SLC11A2: variants seen among roughly 807,000 people sequenced by gnomAD.
SLC11A2 encodes solute carrier family 11 member 2, also known as natural resistance-associated macrophage protein 2.
Under a neutral mutation model 68.0 loss-of-function variants are expected in SLC11A2, and 38 were observed. That is an observed-to-expected ratio of 0.56 (90% CI 0.43 to 0.73). The LOEUF is 0.73. SLC11A2 is among the 30% of genes least tolerant of loss of function. The probability of loss-of-function intolerance (pLI) is 0.00; values close to 1 mark genes in which losing one functional copy is unlikely to be tolerated. For missense variants in SLC11A2, 517 were observed against 690.5 expected (o/e 0.75, Z 2.82); for synonymous variants, 242 against 250.6 (o/e 0.97, Z 0.32).
Position 51,026,291 on chromosome 12 carries a change from G to T in SLC11A2, c.-39+19C>A. On this transcript the variant is annotated intron_variant, in intron 1 of 15. Coordinates refer to ENST00000262052, the MANE Select transcript of SLC11A2 (RefSeq NM_000617.3). ...CAGCGAGCGGAATGCCGTGACCCCT[G>T]ACCTTGCCTTCCCCTCACCTTACCA... 1 of 1,244,882 alleles carries T rather than the reference G, an allele frequency of 8.0e-7. No homozygotes were observed. Among genetic ancestry groups the T allele is most frequent in the Non-Finnish European group, 1.0e-6 (1 of 952,954 alleles). The allele number at this position is 1,244,882 out of a possible 1,614,324, so 77.1% of individuals were successfully genotyped here. A position where few individuals can be genotyped will look rare whatever the true frequency, so the allele number is the denominator to read the frequency against.
the SLC11A2 span, among the ~76,000 whole-genome samples, chr12:50,966,884 G>A: frequency 6.6e-6 from 1 of 152,250 alleles, no homozygotes; most frequent in African/African-American, 2.4e-5. Flanking sequence ...GGGAGGCCAA[G>A]GTGGGTAGAT....
intron 1 of SLC11A2, among the ~76,000 whole-genome samples, chr12:51,012,872 C>T (rs373960874): frequency 1.3e-5 from 2 of 152,284 alleles, no homozygotes; most frequent in African/African-American, 4.8e-5. Flanking sequence ...TTCAACCCCT[C>T]TTTCAGTCAA....
rs990002369 is a variant in SLC11A2, at chr12:50,986,794, C to T, written c.*1531G>A. On this transcript the variant is annotated 3_prime_UTR_variant, in exon 16 of 16. Coordinates refer to ENST00000262052, the MANE Select transcript of SLC11A2 (RefSeq NM_000617.3). ...AGAAAAATGTATGGTCAGTGAAACA[C>T]AGTAGTGTACCCTTAAATGCCTTAT... 19 of 1,287,128 alleles carry T rather than the reference C, an allele frequency of 1.5e-5. No homozygotes were observed. The highest frequency in any genetic ancestry group is 1.8e-5 in the Non-Finnish European group (18 of 988,662). 79.7% of individuals were successfully genotyped at this position (1,287,128 alleles called of 1,614,324 possible). A position where few individuals can be genotyped will look rare whatever the true frequency, so the allele number is the denominator to read the frequency against.
Position 50,999,373 on chromosome 12 carries a change from A to C in SLC11A2, c.579T>G (p.Thr193=). 6.2e-7 allele frequency: 1 copy of C among 1,614,114 alleles called. No individual in the cohort carries two copies. The highest frequency in any genetic ancestry group is 1.1e-5 in the South Asian group (1 of 91,076). The change falls in exon 7 of 16, where the codon ACT becomes ACG. Residue 193 remains threonine (T), a synonymous_variant. Transcript: ENST00000262052. ...ATTTGTCCAAGAAGAGAAATACAAAAGTATCTGCAATGGTGATGAGAACGC... is the reference window on the plus strand; with the variant it reads ...ATTTGTCCAAGAAGAGAAATACAAACGTATCTGCAATGGTGATGAGAACGC... ...WGGVLITIAD[T]FVFLFLDKYG...
chr12:50,973,838 G>A, the SLC11A2 span, among the ~76,000 whole-genome samples: 4 of 152,194 alleles, frequency 2.6e-5, no homozygotes, highest in East Asian at 1.9e-4. Context: ...ACTACGTGAC[G>A]AATGCACAAG....
At chr12:51,008,718 C>A in intron 2 of SLC11A2, 94 bp from the exon 3 acceptor site, 4 of 1,018,950 alleles carry the variant, frequency 3.9e-6, no homozygotes, top group Non-Finnish European at 6.0e-6. Context: ...AGTTTAATAT[C>A]TAAATGCACA....
the SLC11A2 span, among the ~76,000 whole-genome samples, chr12:50,969,594 G>A: frequency 1.2e-3 from 184 of 152,050 alleles, 6 homozygotes; most frequent in East Asian, 0.033. Flanking sequence ...AGCTACTTGG[G>A]AGGCTGAGGC....
At chr12:50,974,759 G>A (rs539049057), downstream of SLC11A2, among the ~76,000 whole-genome samples, 13 of 152,240 alleles carry the variant, frequency 8.5e-5, no homozygotes, top group East Asian at 2.1e-3. Flanking sequence ...CATGTGCAGA[G>A]ACACACATAG....
Position 50,986,255 on chromosome 12 carries a change from T to C in SLC11A2, c.*2070A>G, listed in dbSNP as rs890522494. 1.1e-5 allele frequency: 14 copies of C among 1,284,942 alleles called. No individual in the cohort carries two copies. The Admixed American group carries it at 1.6e-4, about 15-fold the overall frequency. The allele number at this position is 1,284,942 out of a possible 1,614,324, so 79.6% of individuals were successfully genotyped here. A position where few individuals can be genotyped will look rare whatever the true frequency, so the allele number is the denominator to read the frequency against. On this transcript the variant is annotated 3_prime_UTR_variant, in exon 16 of 16. Coordinates refer to ENST00000262052, the MANE Select transcript of SLC11A2 (RefSeq NM_000617.3). ...ACATAAACACACTGTCAAAACTCAC[T>C]GGATATGCTGGAATTGGAGGACTTA...
chr12:50,987,008 G>A lies in SLC11A2; in HGVS notation c.*1317C>T. 3.9e-6 allele frequency: 5 copies of A among 1,285,446 alleles called. No individual in the cohort carries two copies. The highest frequency in any genetic ancestry group is 4.0e-6 in the Non-Finnish European group (4 of 987,660). 79.6% of individuals were successfully genotyped at this position (1,285,446 alleles called of 1,614,324 possible). ...AAATCAATGACTATAAAACAGTTTT[G>A]ATTATTTATCTCCATCAAAGTGATT... is the stretch of plus-strand genomic sequence containing the variant. On this transcript the variant is annotated 3_prime_UTR_variant, in exon 16 of 16. Transcript: ENST00000262052.
chr12:51,002,619 A>G (rs1942349566), intron 5 of SLC11A2, among the ~76,000 whole-genome samples: 1 of 87,932 alleles, frequency 1.1e-5, no homozygotes, highest in Non-Finnish European at 2.2e-5. Context: ...AGCCTGGGTG[A>G]CAAAGCGAGA....
downstream of SLC11A2, among the ~76,000 whole-genome samples, chr12:50,977,808 A>G (rs1939868890): frequency 6.6e-6 from 1 of 152,184 alleles, no homozygotes; most frequent in African/African-American, 2.4e-5. Flanking sequence ...AAGAAAAAAA[A>G]CAACCCCATC....
chr12:50,982,681 T>C (rs556438545), downstream of SLC11A2, among the ~76,000 whole-genome samples: 45 of 151,998 alleles, frequency 3.0e-4, no homozygotes, highest in Non-Finnish European at 3.8e-4. Context: ...CGGTGTCTCA[T>C]GCCTGTAATC....
downstream of SLC11A2, chr12:50,981,707 G>C: frequency 6.7e-7 from 1 of 1,490,610 alleles, no homozygotes; most frequent in East Asian, 2.5e-5. Flanking sequence ...TGTTCTTATA[G>C]AGTCTCTCAG....
Position 51,025,305 on chromosome 12 carries a change from A to C in SLC11A2, c.-39+1005T>G, listed in dbSNP as rs1236990226. Among the ~76,000 whole-genome samples the C allele has an allele frequency of 2.0e-5, 3 of 152,248 alleles. No homozygotes were observed. In the East Asian group the frequency reaches 5.8e-4, roughly 29 times the overall value. ...AAACTCCTCCACATCAAGAGTTCTA[A>C]GTACTTTGTTGTTTATTAACTAATT... On this transcript the variant is annotated intron_variant, in intron 1 of 15. Transcript: ENST00000262052.
At chr12:51,013,189 T>C (rs1234349506) in intron 1 of SLC11A2, among the ~76,000 whole-genome samples, 1 of 152,186 alleles carries the variant, frequency 6.6e-6, no homozygotes, top group African/African-American at 2.4e-5. Context: ...CAAACAGTCC[T>C]TCCTTATGCG....
intron 1 of SLC11A2, among the ~76,000 whole-genome samples, chr12:51,015,500 A>T (rs557314098): frequency 1.3e-3 from 171 of 135,690 alleles, no homozygotes; most frequent in African/African-American, 4.9e-3. Context: ...TTAAATAGTT[A>T]AAAAAAAAAA....
the SLC11A2 span, among the ~76,000 whole-genome samples, chr12:50,962,390 A>G: frequency 4.0e-5 from 6 of 151,692 alleles, no homozygotes; most frequent in Admixed American, 1.3e-4. Context: ...CAGCCTGGGC[A>G]ATAAGAGTGA....
chr12:51,000,400 C>T lies in SLC11A2; in HGVS notation c.449G>A (p.Trp150Ter). 6.2e-7 allele frequency: 1 copy of T among 1,613,808 alleles called. No individual in the cohort carries two copies. Among genetic ancestry groups the T allele is most frequent in the Non-Finnish European group, 8.5e-7 (1 of 1,179,686 alleles). ...GATGATAGCCAACTCCACCATCAGC[C>T]ACAGGATGACTCGTGGGACCTAAAC... The part of the protein sequence containing the change: ...QYPKVPRVIL[W>*]LMVELAIIGS... Residue 150 changes from tryptophan to a stop codon, truncating the protein, a stop_gained, in exon 6 of 16, where the codon TGG becomes TAG. Transcript: ENST00000262052. LOFTEE classifies it high-confidence loss of function.
Sources: gnomAD v4.1 joint callset for allele counts (sites outside exome capture counted in the v4.1 genomes callset) on GRCh38, gnomAD v4.1.1 for gene constraint, MANE v1.5 for transcripts, NCBI Gene and HGNC (gene_info 2026-07-23, HGNC 2026-07-21) for gene names.